Variants in RBFOX3 observed in about 807,000 individuals in gnomAD.
The protein encoded by RBFOX3 is RNA binding fox-1 homolog 3, also known as RNA binding protein fox-1 homolog 3.
A neutral mutation model predicts 48.7 loss-of-function variants in RBFOX3; 17 were observed. The ratio of observed to expected loss-of-function variants is 0.35; its 90% confidence interval spans 0.24 to 0.52. The LOEUF (loss-of-function observed/expected upper bound fraction) is 0.52, where lower values mean the gene tolerates loss of function less well. Among genes scored for constraint, RBFOX3 ranks in the 20% least tolerant of loss-of-function variants. RBFOX3 has a pLI of 0.94. For synonymous variants in RBFOX3, 212 were observed against 209.5 expected (o/e 1.01, Z -0.10); for missense variants, 382 against 497.5 (o/e 0.77, Z 2.21).
intron 4 of RBFOX3, among the ~76,000 whole-genome samples, chr17:79,177,479 CT>C (rs971193743): frequency 6.6e-6 from 1 of 152,206 alleles, no homozygotes; most frequent in African/African-American, 2.4e-5. Flanking sequence ...GCGTTCTCCC[CT>C]GCCCTCTGCT....
At position 79,233,344 on chromosome 17, in the gene RBFOX3, A is replaced by G. The variant is rs112279749; in HGVS notation, c.-34+2422T>C. Among the ~76,000 whole-genome samples the G allele has an allele frequency of 8.3e-3, 1,255 of 151,244 alleles. 14 individuals carry two copies. Among genetic ancestry groups the G allele is most frequent in the East Asian group, 0.066 (340 of 5,182 alleles). On this transcript the variant is annotated intron_variant, in intron 4 of 14. Coordinates refer to ENST00000693108, the MANE Select transcript of RBFOX3 (RefSeq NM_001350451.2). ...GAAGCAGAGTCAGTGCTTGCCTTGG[A>G]AGAGGGGATTGGGTGGGGTGTGAGG...
At chr17:79,251,354 C>G (rs542820102) in intron 3 of RBFOX3, among the ~76,000 whole-genome samples, 1 of 152,202 alleles carries the variant, frequency 6.6e-6, no homozygotes, top group Non-Finnish European at 1.5e-5. Flanking sequence ...CCGAAACCTC[C>G]TCTACCGCTG....
At position 79,178,132 on chromosome 17, in the gene RBFOX3, C is replaced by T. The variant is rs563187855; in HGVS notation, c.-34+57634G>A. Among the ~76,000 whole-genome samples the T allele has an allele frequency of 2.3e-3, 353 of 152,338 alleles. 5 individuals are homozygous for T. The highest frequency in any genetic ancestry group is 8.1e-3 in the African/African-American group (335 of 41,582). Reference sequence around the variant, plus strand: ...GGGCTCCTACGGGCTCCTTCCCCGCCGCCACGTCCACCAGCCATGCTTATC... The same window carrying T: ...GGGCTCCTACGGGCTCCTTCCCCGCTGCCACGTCCACCAGCCATGCTTATC... On this transcript the variant is annotated intron_variant, in intron 4 of 14. Coordinates refer to ENST00000693108, the MANE Select transcript of RBFOX3 (RefSeq NM_001350451.2).
chr17:79,164,647 C>T (rs1182047424), intron 4 of RBFOX3, among the ~76,000 whole-genome samples: 4 of 152,328 alleles, frequency 2.6e-5, no homozygotes, highest in Non-Finnish European at 4.4e-5. Context: ...TGCACGCATT[C>T]CTCGGTTCAT....
At chr17:79,253,913 T>G (rs539470797) in intron 3 of RBFOX3, among the ~76,000 whole-genome samples, 2 of 152,350 alleles carry the variant, frequency 1.3e-5, no homozygotes, top group South Asian at 4.1e-4. Flanking sequence ...TTGGACACCC[T>G]GCCTGAGGTC....
rs1444276689 is a variant in RBFOX3 at position 79,480,006 on chromosome 17, C to A, written c.-175+2448G>T. 6.6e-6 allele frequency among the ~76,000 whole-genome samples: 1 copy of A among 152,190 alleles called. No individual in the cohort carries two copies. The highest frequency in any genetic ancestry group is 1.5e-5 in the Non-Finnish European group (1 of 68,038). On this transcript the variant is annotated intron_variant, in intron 2 of 14. Coordinates refer to ENST00000693108, the MANE Select transcript of RBFOX3 (RefSeq NM_001350451.2). This position sits in a 1 kb window ranked among gnomAD's most constrained non-coding sequence, Gnocchi z 4.8. ...GCCCTATACTCATTTTCTCAGACAGCCTGCAAGCACAGTGATCTTGGCACA... is the reference window on the plus strand; with the variant it reads ...GCCCTATACTCATTTTCTCAGACAGACTGCAAGCACAGTGATCTTGGCACA...
chr17:79,146,543 C>A (rs2043075983), intron 4 of RBFOX3, among the ~76,000 whole-genome samples: 1 of 152,228 alleles, frequency 6.6e-6, no homozygotes, highest in South Asian at 2.1e-4. Context: ...AAGAACCCTA[C>A]ATGCCATCCT....
At position 79,198,507 on chromosome 17, in the gene RBFOX3, G is replaced by T. The variant is rs2056146139; in HGVS notation, c.-34+37259C>A. ...CAAGCCTGTGGGACAGATGGGTACAGCTGGAGACTGAGGCTTGGAGAAGTT... is the reference window on the plus strand; with the variant it reads ...CAAGCCTGTGGGACAGATGGGTACATCTGGAGACTGAGGCTTGGAGAAGTT... On this transcript the variant is annotated intron_variant, in intron 4 of 14. Transcript: ENST00000693108. This position sits in a 1 kb window ranked among gnomAD's most constrained non-coding sequence, Gnocchi z 8.2. 6.6e-6 allele frequency among the ~76,000 whole-genome samples: 1 copy of T among 152,236 alleles called. No homozygotes were observed. Among genetic ancestry groups the T allele is most frequent in the Admixed American group, 6.5e-5 (1 of 15,288 alleles).
At position 79,564,492 on chromosome 17, in the gene RBFOX3, C is replaced by T. The variant is rs1056183232; in HGVS notation, c.-320+46334G>A. Among the ~76,000 whole-genome samples the T allele has an allele frequency of 8.5e-3, 1,299 of 152,236 alleles. 21 individuals carry two copies. The highest frequency in any genetic ancestry group is 0.029 in the African/African-American group (1,218 of 41,536). ...ATAGGAGCCGAACCTTCCTGGAGGA[C>T]GCCTTAGCAGAACGGTGCTGGAGCC... On this transcript the variant is annotated intron_variant, in intron 1 of 14. Coordinates refer to ENST00000693108, the MANE Select transcript of RBFOX3 (RefSeq NM_001350451.2).
At position 79,421,862 on chromosome 17, in the gene RBFOX3, G is replaced by A. The variant is rs1036123117; in HGVS notation, c.-175+60592C>T. 4.6e-5 allele frequency among the ~76,000 whole-genome samples: 7 copies of A among 152,108 alleles called. No individual in the cohort carries two copies. The highest frequency in any genetic ancestry group is 6.5e-5 in the Admixed American group (1 of 15,280). On this transcript the variant is annotated intron_variant, in intron 2 of 14. Transcript: ENST00000693108. This position sits in a 1 kb window ranked among gnomAD's most constrained non-coding sequence, Gnocchi z 4.5. ...GGAAGGCCCCGTGAGGGTGGCCCAC[G>A]AGGCTCATGGGTTCCAGGAACCCAC...
intron 4 of RBFOX3, among the ~76,000 whole-genome samples, chr17:79,169,393 C>T (rs1467433379): frequency 2.0e-5 from 3 of 152,096 alleles, no homozygotes; most frequent in Admixed American, 6.5e-5. Context: ...TCTCCTCCTC[C>T]CCTGCTCCTT....
chr17:79,619,030 A>G, the RBFOX3 span, among the ~76,000 whole-genome samples: 1 of 152,232 alleles, frequency 6.6e-6, no homozygotes, highest in Non-Finnish European at 1.5e-5. Context: ...AGTCGAAACC[A>G]TAATCATATT....
At chr17:79,451,650 C>A (rs577196225) in intron 2 of RBFOX3, among the ~76,000 whole-genome samples, 1 of 152,352 alleles carries the variant, frequency 6.6e-6, no homozygotes, top group South Asian at 2.1e-4. Flanking sequence ...GGAGCACCCA[C>A]CCCTGGTGAG....
chr17:79,516,820 T>C (rs1272789951), intron 1 of RBFOX3, among the ~76,000 whole-genome samples: 1 of 152,144 alleles, frequency 6.6e-6, no homozygotes, highest in Non-Finnish European at 1.5e-5. Flanking sequence ...GAAAGGAAGC[T>C]CTGACACACG....
chr17:79,624,345 G>GGGGAGGCTGGGGAAGGGA, the RBFOX3 span, among the ~76,000 whole-genome samples: 9 of 151,992 alleles, frequency 5.9e-5, no homozygotes, highest in East Asian at 1.9e-4. Flanking sequence ...CTTAGCTGCA[G>GGGGAGGCTGGGGAAGGGA]GGGAGGCTGG....
At chr17:79,574,715 T>A (rs1226978666) in intron 1 of RBFOX3, among the ~76,000 whole-genome samples, 3 of 152,152 alleles carry the variant, frequency 2.0e-5, no homozygotes, top group Non-Finnish European at 2.9e-5. Flanking sequence ...TCCTTTACTT[T>A]CCTAATAAAC....
At chr17:79,378,212 C>T (rs945230854) in intron 2 of RBFOX3, among the ~76,000 whole-genome samples, 4 of 151,954 alleles carry the variant, frequency 2.6e-5, no homozygotes, top group African/African-American at 9.7e-5. Context: ...AGGGGCTTAG[C>T]CCTCATCACC....
chr17:79,116,563 G>C (rs1305983145), intron 4 of RBFOX3, among the ~76,000 whole-genome samples: 1 of 152,242 alleles, frequency 6.6e-6, no homozygotes, highest in Non-Finnish European at 1.5e-5. Context: ...AGAAGTGAGA[G>C]GGCGGCGCTG....
intron 2 of RBFOX3, among the ~76,000 whole-genome samples, chr17:79,389,715 G>T (rs2061090009): frequency 6.6e-6 from 1 of 152,196 alleles, no homozygotes; most frequent in South Asian, 2.1e-4. Context: ...CGTTCCTGGG[G>T]AATGCCAGTA....
Sources: allele counts gnomAD v4.1 joint callset (sites outside exome capture counted in the v4.1 genomes callset), GRCh38; gene constraint gnomAD v4.1.1; non-coding constraint Gnocchi (gnomAD v3.1); transcripts MANE v1.5; gene names NCBI Gene and HGNC (gene_info 2026-07-23, HGNC 2026-07-21).